PRRX2: variants seen among roughly 807,000 people sequenced by gnomAD.
PRRX2 encodes paired related homeobox 2, also known as paired mesoderm homeobox protein 2.
PRRX2 carries 11 observed loss-of-function variants against 18.0 expected under a neutral mutation model. The ratio of observed to expected loss-of-function variants is 0.61; its 90% CI spans 0.39 to 1.01. PRRX2 has a LOEUF of 1.01. Ranked by LOEUF, PRRX2 falls within the 50% of genes least tolerant of loss-of-function variation. The pLI, the probability that PRRX2 is intolerant of heterozygous loss-of-function variation, is 0.01. For missense variants in PRRX2, 387 were observed against 351.0 expected, an observed-to-expected ratio of 1.10 and a Z score of -0.82; for synonymous variants, 177 against 154.8, an observed-to-expected ratio of 1.14 and a Z score of -1.06.
intron 1 of PRRX2, among the ~76,000 whole-genome samples, chr9:129,714,009 G>A (rs770831017): frequency 1.3e-5 from 2 of 151,188 alleles, no homozygotes; most frequent in Non-Finnish European, 1.5e-5. Context: ...TTCAGTTTCC[G>A]TGTGTGTAAA....
At position 129,715,096 on chromosome 9, in the gene PRRX2, G is replaced by A. The variant is rs141197990; in HGVS notation, c.260-4135G>A. Among the ~76,000 whole-genome samples, 38 of 152,130 alleles carry A rather than the reference G, an allele frequency of 2.5e-4. No homozygotes were observed. The highest frequency in any genetic ancestry group is 9.2e-4 in the African/African-American group (38 of 41,408). On this transcript the variant is annotated intron_variant, in intron 1 of 3. Coordinates refer to ENST00000372469, the MANE Select transcript of PRRX2 (RefSeq NM_016307.4). This position sits in a 1 kb window ranked among gnomAD's most constrained non-coding sequence, Gnocchi z 4.0. ...TGAAGCGGTCCCGGCAATGAGACCAGCTCCACAGGGCCACCACGTGCTCCC... is the reference window on the plus strand; with the variant it reads ...TGAAGCGGTCCCGGCAATGAGACCAACTCCACAGGGCCACCACGTGCTCCC...
At chr9:129,674,917 C>T (rs1292792486) in intron 1 of PRRX2, among the ~76,000 whole-genome samples, 1 of 152,114 alleles carries the variant, frequency 6.6e-6, no homozygotes, top group Admixed American at 6.5e-5. Context: ...TTCCCAGGTC[C>T]CACCCTGACC....
At chr9:129,712,552 T>C (rs987301685) in intron 1 of PRRX2, among the ~76,000 whole-genome samples, 2 of 152,186 alleles carry the variant, frequency 1.3e-5, no homozygotes, top group African/African-American at 2.4e-5. Context: ...AAATGGTACG[T>C]GTGAAATAAT....
At chr9:129,699,541 G>C (rs1164351299) in intron 1 of PRRX2, among the ~76,000 whole-genome samples, 1 of 151,952 alleles carries the variant, frequency 6.6e-6, no homozygotes, top group Non-Finnish European at 1.5e-5. Context: ...GCTTGTAATG[G>C]TGTATAGTGC....
rs1341479645 is a variant in PRRX2, at chr9:129,665,857, C to T, written c.-11C>T. On this transcript the variant is annotated 5_prime_UTR_variant, in exon 1 of 4. Coordinates refer to ENST00000372469, the MANE Select transcript of PRRX2 (RefSeq NM_016307.4). The surrounding 1 kb of genome is among the most constrained non-coding windows in gnomAD (Gnocchi z 5.3). ...AGACCCCCGCCGGCCCCCCCGGGGC[C>T]GCTCGCGGGCATGGACAGCGCGGCC... 23 of 1,039,416 alleles carry T rather than the reference C, an allele frequency of 2.2e-5. No homozygotes were observed. Among genetic ancestry groups the T allele is most frequent in the Non-Finnish European group, 2.6e-5 (23 of 868,432 alleles). 64.4% of individuals were successfully genotyped at this position (1,039,416 alleles called of 1,614,324 possible).
At chr9:129,719,567 C>A (rs1832762962) in intron 2 of PRRX2, 149 bp downstream of exon 2, 6 of 1,045,894 alleles carry the variant, frequency 5.7e-6, no homozygotes, top group Non-Finnish European at 7.8e-6. Context: ...CCAGCCCTGC[C>A]ACTTACTGGC....
chr9:129,673,910 G>A (rs1438679948), intron 1 of PRRX2, among the ~76,000 whole-genome samples: 1 of 152,200 alleles, frequency 6.6e-6, no homozygotes, highest in Non-Finnish European at 1.5e-5. Context: ...CCCACACTGA[G>A]CAGACGAAGA....
chr9:129,717,710 A>AG (rs991285418), intron 1 of PRRX2, among the ~76,000 whole-genome samples: 19 of 150,844 alleles, frequency 1.3e-4, no homozygotes, highest in Non-Finnish European at 2.4e-4. Flanking sequence ...AAAAAAAAAA[A>AG]AAAAGAAAAA....
intron 3 of PRRX2, among the ~76,000 whole-genome samples, chr9:129,721,888 G>A (rs899384347): frequency 5.9e-5 from 9 of 152,170 alleles, no homozygotes; most frequent in African/African-American, 9.7e-5. Flanking sequence ...GCCCCAAGGG[G>A]CATCCTTAAA....
intron 1 of PRRX2, among the ~76,000 whole-genome samples, chr9:129,704,201 A>G (rs190847632): frequency 6.6e-6 from 1 of 152,284 alleles, no homozygotes; most frequent in Admixed American, 6.5e-5. Flanking sequence ...GTGGGGAAGA[A>G]CCACCAGGCC....
Position 129,715,419 on chromosome 9 carries a change from T to C in PRRX2, c.260-3812T>C, listed in dbSNP as rs1437922973. 6.6e-6 allele frequency among the ~76,000 whole-genome samples: 1 copy of C among 151,910 alleles called. No homozygotes were observed. The highest frequency in any genetic ancestry group is 1.9e-4 in the East Asian group (1 of 5,184). On this transcript the variant is annotated intron_variant, in intron 1 of 3. Transcript: ENST00000372469. The surrounding 1 kb of genome is among the most constrained non-coding windows in gnomAD (Gnocchi z 4.0). ...CCAGTCTTGGCAACATAGTAAGACC[T>C]CATCTCTACATTAAAATAAAAATCA...
At chr9:129,703,574 T>G (rs2130926036) in intron 1 of PRRX2, among the ~76,000 whole-genome samples, 1 of 152,260 alleles carries the variant, frequency 6.6e-6, no homozygotes, top group South Asian at 2.1e-4. Context: ...TGCCCCTGAC[T>G]GTGAACAGGG....
intron 1 of PRRX2, among the ~76,000 whole-genome samples, chr9:129,692,115 T>C (rs1832368053): frequency 6.8e-6 from 1 of 146,876 alleles, no homozygotes; most frequent in Non-Finnish European, 1.5e-5. Flanking sequence ...CTGGCTAGTT[T>C]TTGTATTTTT....
chr9:129,713,648 T>TA (rs1832660527), intron 1 of PRRX2, among the ~76,000 whole-genome samples: 1 of 151,478 alleles, frequency 6.6e-6, no homozygotes, highest in East Asian at 2.0e-4. Context: ...TTTTTTTTTT[T>TA]AGACGGAATT....
chr9:129,688,301 C>G (rs933942787), intron 1 of PRRX2, among the ~76,000 whole-genome samples: 2 of 152,096 alleles, frequency 1.3e-5, no homozygotes, highest in African/African-American at 4.8e-5. Flanking sequence ...TGGACTCAAG[C>G]GATCCTCCCA....
chr9:129,720,001 C>T (rs953446274), intron 2 of PRRX2, among the ~76,000 whole-genome samples: 22 of 152,082 alleles, frequency 1.4e-4, no homozygotes, highest in African/African-American at 4.8e-4. Flanking sequence ...AATAAACAAA[C>T]AAACAAACAA....
chr9:129,713,696 T>A (rs1832662271), intron 1 of PRRX2, among the ~76,000 whole-genome samples: 1 of 151,742 alleles, frequency 6.6e-6, no homozygotes, highest in Non-Finnish European at 1.5e-5. Flanking sequence ...AATGGCGTGA[T>A]CTCAGCTCAC....
Position 129,665,711 on chromosome 9 carries a change from C to T in PRRX2, c.-157C>T. On this transcript the variant is annotated 5_prime_UTR_variant, in exon 1 of 4. Coordinates refer to ENST00000372469, the MANE Select transcript of PRRX2 (RefSeq NM_016307.4). The surrounding 1 kb of genome is among the most constrained non-coding windows in gnomAD (Gnocchi z 5.3). ...GAAGGGGAGGGCGGAAAGTTTGTTT[C>T]CCCGACGTCAGCGCCGGGCGGGCCG... The T allele has an allele frequency of 2.2e-6, 1 of 448,620 alleles. No homozygotes were observed. The allele number at this position is 448,620 out of a possible 1,614,324, so 27.8% of individuals were successfully genotyped here. A position where few individuals can be genotyped will look rare whatever the true frequency, so the allele number is the denominator to read the frequency against.
At chr9:129,693,548 C>G (rs1832385275) in intron 1 of PRRX2, among the ~76,000 whole-genome samples, 3 of 150,932 alleles carry the variant, frequency 2.0e-5, no homozygotes, top group Admixed American at 2.0e-4. Context: ...GAGCTGAGAT[C>G]ACGCTATTGC....
Sources: gnomAD v4.1 joint callset for allele counts (sites outside exome capture counted in the v4.1 genomes callset) on GRCh38, gnomAD v4.1.1 for gene constraint, Gnocchi (gnomAD v3.1) non-coding constraint, MANE v1.5 for transcripts, NCBI Gene and HGNC (gene_info 2026-07-23, HGNC 2026-07-21) for gene names.